NR2C2: variants seen among roughly 807,000 people sequenced by gnomAD.
NR2C2 encodes the protein Nuclear hormone receptor TR4.
Under a neutral mutation model 62.9 loss-of-function variants are expected in NR2C2, and 6 were observed. That is an observed-to-expected ratio of 0.10 (90% confidence interval 0.05 to 0.19). NR2C2 has a LOEUF of 0.19. NR2C2 is among the 10% of genes least tolerant of loss of function. NR2C2 has a pLI of 1.00. For missense variants in NR2C2, 479 were observed against 762.7 expected, an observed-to-expected ratio of 0.63 and a Z score of 4.38; for synonymous variants, 272 against 273.8, an observed-to-expected ratio of 0.99 and a Z score of 0.07.
At chr3:15,013,868 G>A (rs905619914) in intron 3 of NR2C2, 79 bp downstream of exon 3, 2 of 1,460,598 alleles carry the variant, frequency 1.4e-6, no homozygotes, top group Non-Finnish European at 1.9e-6. Flanking sequence ...ATCTGCCTTC[G>A]AGGCCAAATC....
chr3:15,024,268 C>A, intron 7 of NR2C2, 60 bp downstream of exon 7: 1 of 1,189,488 alleles, frequency 8.4e-7, no homozygotes, highest in Non-Finnish European at 1.2e-6. Flanking sequence ...GGCTGCTTCT[C>A]TAACTGTGTG....
At chr3:15,000,506 G>A (rs549916527) in intron 1 of NR2C2, among the ~76,000 whole-genome samples, 3 of 152,300 alleles carry the variant, frequency 2.0e-5, no homozygotes, top group Non-Finnish European at 4.4e-5. Context: ...TCAACAAACT[G>A]ATTTCAAATC....
At position 14,969,442 on chromosome 3, in the gene NR2C2, T is replaced by C. The variant is rs185256608; in HGVS notation, c.-40+21536T>C. 3.9e-3 allele frequency among the ~76,000 whole-genome samples: 591 copies of C among 152,122 alleles called. 2 individuals carry two copies. The highest frequency in any genetic ancestry group is 0.014 in the African/African-American group (562 of 41,540). ...ACTTTTAGCAGAGATGGGGTTTCAC[T>C]GTGTTGGCCAGGCTGGTCTCGAACT... On this transcript the variant is annotated intron_variant, in intron 1 of 13. Coordinates refer to ENST00000425241, the MANE Select transcript of NR2C2 (RefSeq NM_001291694.2).
chr3:15,004,099 A>G (rs1390607036), intron 2 of NR2C2, 113 bp downstream of exon 2: 22 of 738,756 alleles, frequency 3.0e-5, no homozygotes, highest in Non-Finnish European at 4.7e-5. Context: ...GAAATACAGT[A>G]CAACTTCATC....
intron 1 of NR2C2, among the ~76,000 whole-genome samples, chr3:14,981,344 C>G (rs1293563150): frequency 6.6e-6 from 1 of 152,074 alleles, no homozygotes; most frequent in East Asian, 1.9e-4. Flanking sequence ...TGCCTCACGC[C>G]TGTAATCCCA....
At chr3:15,016,285 T>C (rs372914459) in intron 4 of NR2C2, 31 bp downstream of exon 4, 86 of 1,485,642 alleles carry the variant, frequency 5.8e-5, no homozygotes, top group African/African-American at 2.5e-4. Context: ...CTGGCACTTA[T>C]AATGGGCCAA....
intron 4 of NR2C2, among the ~76,000 whole-genome samples, chr3:15,016,939 G>A (rs1233044564): frequency 6.6e-6 from 1 of 152,158 alleles, no homozygotes; most frequent in Non-Finnish European, 1.5e-5. Flanking sequence ...GCTTGTACTG[G>A]GGATCCATAG....
Position 15,013,455 on chromosome 3 carries a change from G to A in NR2C2, c.73-134G>A, listed in dbSNP as rs1366452923. ...TGTTTTATTTTTCTCAGTTCACCGT[G>A]GACTGGTGAAAATGCATGTTAGACA... On this transcript the variant is annotated intron_variant, in intron 2 of 13. Transcript: ENST00000425241. 4 of 712,764 alleles carry A rather than the reference G, an allele frequency of 5.6e-6. No homozygotes were observed. The Admixed American group carries it at 9.2e-5, about 16-fold the overall frequency. 44.2% of individuals were successfully genotyped at this position (712,764 alleles called of 1,614,324 possible). A position where few individuals can be genotyped will look rare whatever the true frequency, so the allele number is the denominator to read the frequency against.
intron 6 of NR2C2, 24 bp downstream of exon 6, chr3:15,023,371 A>G (rs147619772): frequency 3.0e-5 from 48 of 1,613,244 alleles, no homozygotes; most frequent in African/African-American, 5.3e-5. Flanking sequence ...TCTCACTGCA[A>G]TCAGCCTTTG....
At chr3:14,983,131 C>G (rs1451799320) in intron 1 of NR2C2, among the ~76,000 whole-genome samples, 1 of 152,096 alleles carries the variant, frequency 6.6e-6, no homozygotes, top group Non-Finnish European at 1.5e-5. Context: ...GTTGTACTCC[C>G]TCAGTTATAC....
intron 12 of NR2C2, 96 bp downstream of exon 12, chr3:15,038,233 C>T: frequency 2.3e-6 from 3 of 1,305,118 alleles, no homozygotes; most frequent in Non-Finnish European, 3.1e-6. Flanking sequence ...TAGAAAGAGC[C>T]CTGCAGATTG....
chr3:14,985,743 T>G (rs1376385680), intron 1 of NR2C2, among the ~76,000 whole-genome samples: 1 of 152,208 alleles, frequency 6.6e-6, no homozygotes, highest in African/African-American at 2.4e-5. Flanking sequence ...AAGATGTGCA[T>G]TTAAGTTTGC....
At chr3:15,040,485 G>T (rs2042227127) in intron 13 of NR2C2, among the ~76,000 whole-genome samples, 1 of 152,342 alleles carries the variant, frequency 6.6e-6, no homozygotes, top group South Asian at 2.1e-4. Context: ...GGAGCCCCAT[G>T]GAACACAGAT....
intron 1 of NR2C2, among the ~76,000 whole-genome samples, chr3:14,981,287 T>A (rs923018296): frequency 4.6e-5 from 7 of 152,044 alleles, no homozygotes; most frequent in Admixed American, 2.0e-4. Flanking sequence ...GACAATATGG[T>A]GAAACCTTGT....
chr3:14,967,899 A>G (rs1429369080), intron 1 of NR2C2, among the ~76,000 whole-genome samples: 1 of 152,210 alleles, frequency 6.6e-6, no homozygotes, highest in East Asian at 1.9e-4. Context: ...AGGATTCCCT[A>G]TTTAATAAAT....
At chr3:15,005,519 CTTTT>C (rs574293033) in intron 2 of NR2C2, among the ~76,000 whole-genome samples, 2 of 114,114 alleles carry the variant, frequency 1.8e-5, no homozygotes, top group Non-Finnish European at 1.8e-5. Flanking sequence ...GCGTGGCCAA[CTTTT>C]TTTTTTTTTT....
intron 4 of NR2C2, among the ~76,000 whole-genome samples, chr3:15,019,708 T>A (rs116634432): frequency 2.0e-5 from 3 of 150,920 alleles, no homozygotes; most frequent in Non-Finnish European, 4.4e-5. Flanking sequence ...AAAAAAAAAA[T>A]TGATATCATA....
chr3:14,973,266 C>T (rs771705761), intron 1 of NR2C2, among the ~76,000 whole-genome samples: 89 of 152,002 alleles, frequency 5.9e-4, no homozygotes, highest in Non-Finnish European at 5.3e-4. Flanking sequence ...TGCTCTGTCA[C>T]TCAGGCTGGA....
rs1376219701 is a variant in NR2C2 at position 14,978,818 on chromosome 3, C to T, written c.-39-25058C>T. Among the ~76,000 whole-genome samples the T allele has an allele frequency of 3.3e-5, 5 of 152,232 alleles. No individual in the cohort carries two copies. In the East Asian group the frequency reaches 7.7e-4, roughly 23 times the overall value. On this transcript the variant is annotated intron_variant, in intron 1 of 13. Transcript: ENST00000425241. ...CTCAGGGTCTGGGACCTCTTTGGTT[C>T]ACTCTTTGGTTCAAGTTATCCACAG...
Sources: allele counts gnomAD v4.1 joint callset (sites outside exome capture counted in the v4.1 genomes callset), GRCh38; gene constraint gnomAD v4.1.1; transcripts MANE v1.5; gene names NCBI Gene and HGNC (gene_info 2026-07-23, HGNC 2026-07-21).